CNTN5: variants seen among roughly 807,000 people sequenced by gnomAD.
The protein encoded by CNTN5 is contactin-5.
CNTN5 carries 77 observed loss-of-function variants against 129.1 expected under a neutral mutation model. That is an observed-to-expected ratio of 0.60 (90% CI 0.50 to 0.72). The LOEUF is 0.72. Ranked by LOEUF, CNTN5 falls within the 30% of genes least tolerant of loss-of-function variation. CNTN5 has a pLI of 0.00. For synonymous variants in CNTN5, 509 were observed against 465.6 expected (o/e 1.09, Z -1.20); for missense variants, 1,478 against 1,328.8 (o/e 1.11, Z -1.75).
intron 1 of CNTN5, among the ~76,000 whole-genome samples, chr11:99,095,877 T>C (rs1364412645): frequency 1.3e-5 from 2 of 151,852 alleles, no homozygotes; most frequent in Non-Finnish European, 2.9e-5. Context: ...ATGTGATTTT[T>C]CAAAAAATTA....
At chr11:99,700,869 T>C (rs1057162054) in intron 3 of CNTN5, among the ~76,000 whole-genome samples, 1 of 151,312 alleles carries the variant, frequency 6.6e-6, no homozygotes, top group African/African-American at 2.4e-5. Context: ...TTTGCTGTAA[T>C]TCTCCCCTTT....
intron 1 of CNTN5, among the ~76,000 whole-genome samples, chr11:99,029,130 T>C (rs560719041): frequency 8.6e-5 from 13 of 151,884 alleles, no homozygotes; most frequent in African/African-American, 2.9e-4. Flanking sequence ...AAAAAAATTA[T>C]AGTATTAAAA....
At chr11:99,741,747 G>A in intron 3 of CNTN5, among the ~76,000 whole-genome samples, 1 of 152,058 alleles carries the variant, frequency 6.6e-6, no homozygotes, top group Admixed American at 6.6e-5. Flanking sequence ...AATTTAGAAA[G>A]TTCATTTAAA....
intron 1 of CNTN5, among the ~76,000 whole-genome samples, chr11:99,243,169 A>T (rs1015150703): frequency 6.6e-6 from 1 of 152,196 alleles, no homozygotes; most frequent in Admixed American, 6.5e-5. Context: ...AATAACAGCC[A>T]TTCTGACTGG....
intron 15 of CNTN5, among the ~76,000 whole-genome samples, chr11:100,202,856 C>G (rs1160161866): frequency 6.6e-6 from 1 of 151,956 alleles, no homozygotes; most frequent in Admixed American, 6.6e-5. Context: ...ATTTACGCAA[C>G]AGCCCCCATC....
intron 2 of CNTN5, among the ~76,000 whole-genome samples, chr11:99,365,741 C>T (rs1047484129): frequency 3.3e-5 from 5 of 152,100 alleles, no homozygotes; most frequent in African/African-American, 1.2e-4. Flanking sequence ...AGTTTAGGAA[C>T]TGAAACGTAA....
At chr11:100,269,164 G>C (rs1950361656) in intron 17 of CNTN5, among the ~76,000 whole-genome samples, 1 of 152,168 alleles carries the variant, frequency 6.6e-6, no homozygotes, top group Non-Finnish European at 1.5e-5. Context: ...GTGTTTCAAA[G>C]GATGATCAAC....
intron 1 of CNTN5, among the ~76,000 whole-genome samples, chr11:99,309,286 C>T (rs139190565): frequency 0.014 from 2,103 of 149,442 alleles, 25 homozygotes; most frequent in Middle Eastern, 0.038. Context: ...AATTCTGAAT[C>T]ATGGATCCTT....
intron 1 of CNTN5, among the ~76,000 whole-genome samples, chr11:99,292,203 C>A (rs971364992): frequency 2.5e-4 from 38 of 150,364 alleles, no homozygotes; most frequent in African/African-American, 9.0e-4. Context: ...TTGAAAAGGC[C>A]TTTGACTAGG....
At chr11:99,253,751 C>A (rs553797497) in intron 1 of CNTN5, among the ~76,000 whole-genome samples, 4 of 151,600 alleles carry the variant, frequency 2.6e-5, no homozygotes, top group Non-Finnish European at 5.9e-5. Flanking sequence ...ATTGTTTTCA[C>A]ACTCGTTCCT....
At chr11:99,948,391 G>A (rs558089109) in intron 7 of CNTN5, among the ~76,000 whole-genome samples, 1 of 152,272 alleles carries the variant, frequency 6.6e-6, no homozygotes, top group Non-Finnish European at 1.5e-5. Flanking sequence ...GACTTGCATG[G>A]CATTGTGACC....
intron 2 of CNTN5, among the ~76,000 whole-genome samples, chr11:99,523,663 TCAGAACAGAACAGAA>T (rs143876090): frequency 6.0e-5 from 8 of 132,670 alleles, no homozygotes; most frequent in South Asian, 2.5e-4. Flanking sequence ...ACAGAACAGA[TCAGAACAGAACAGAA>T]CAGAACAGAA....
intron 1 of CNTN5, among the ~76,000 whole-genome samples, chr11:99,284,994 A>G (rs1180496998): frequency 6.6e-6 from 1 of 151,954 alleles, no homozygotes; most frequent in Non-Finnish European, 1.5e-5. Context: ...GCTATATATG[A>G]ATTTCTGTTT....
chr11:100,136,732 A>C (rs992458357), intron 13 of CNTN5, among the ~76,000 whole-genome samples: 6 of 151,886 alleles, frequency 4.0e-5, no homozygotes, highest in Admixed American at 1.3e-4. Flanking sequence ...TGGATTTATT[A>C]CACCATTCAG....
At chr11:100,198,401 T>C (rs1948698866) in intron 15 of CNTN5, among the ~76,000 whole-genome samples, 1 of 136,836 alleles carries the variant, frequency 7.3e-6, no homozygotes, top group South Asian at 2.1e-4. Context: ...GGATACTGTA[T>C]GTATGTCTGT....
chr11:99,786,487 G>A (rs1390607371), intron 3 of CNTN5, among the ~76,000 whole-genome samples: 1 of 152,096 alleles, frequency 6.6e-6, no homozygotes, highest in South Asian at 2.1e-4. Context: ...TTTCTTCACA[G>A]AATTAGAAAA....
chr11:100,104,363 G>A (rs1945342970), intron 13 of CNTN5, among the ~76,000 whole-genome samples: 1 of 151,986 alleles, frequency 6.6e-6, no homozygotes, highest in Non-Finnish European at 1.5e-5. Flanking sequence ...CCAAAGGTGT[G>A]AGCCACCACA....
At chr11:99,995,014 G>T (rs1317468367) in intron 8 of CNTN5, among the ~76,000 whole-genome samples, 1 of 152,138 alleles carries the variant, frequency 6.6e-6, no homozygotes, top group Non-Finnish European at 1.5e-5. Flanking sequence ...AAAGAGAGAA[G>T]AAGTCGTTAA....
At chr11:99,082,035 C>G (rs1865821732) in intron 1 of CNTN5, among the ~76,000 whole-genome samples, 1 of 152,008 alleles carries the variant, frequency 6.6e-6, no homozygotes, top group South Asian at 2.1e-4. Context: ...TCTAAACTAA[C>G]TTTCATTTCT....
Sources: allele counts gnomAD v4.1 joint callset (sites outside exome capture counted in the v4.1 genomes callset), GRCh38; gene constraint gnomAD v4.1.1; transcripts MANE v1.5; gene names NCBI Gene and HGNC (gene_info 2026-07-23, HGNC 2026-07-21).